The following PVT1 variants were observed in gnomAD, a reference collection of about 807,000 sequenced individuals.
PVT1 encodes the protein CXCR4/PVT1 fusion.
At chr8:127,995,029 T>G (rs949241493) in intron 4 of PVT1, among the ~76,000 whole-genome samples, 2 of 152,222 alleles carry the variant, frequency 1.3e-5, no homozygotes, top group South Asian at 4.1e-4. Flanking sequence ...CCCAGTCAAG[T>G]TGACACACAA....
chr8:127,973,670 T>C (rs1290515262), intron 3 of PVT1, among the ~76,000 whole-genome samples: 1 of 118,192 alleles, frequency 8.5e-6, no homozygotes, highest in Non-Finnish European at 1.8e-5. Flanking sequence ...CTGACCCAAG[T>C]TGCCTTTTTG....
chr8:127,848,911 G>T (rs1284748544), intron 2 of PVT1, among the ~76,000 whole-genome samples: 1 of 152,204 alleles, frequency 6.6e-6, no homozygotes, highest in Non-Finnish European at 1.5e-5. Context: ...CAGGCCTAGA[G>T]AGGACTGAAG....
chr8:127,949,736 C>T (rs1040882894), intron 3 of PVT1, among the ~76,000 whole-genome samples: 5 of 152,180 alleles, frequency 3.3e-5, no homozygotes, highest in South Asian at 2.1e-4. Flanking sequence ...CTAGAGTCCC[C>T]GCCTCTTTTA....
chr8:128,063,100 T>G (rs1019360393), intron 4 of PVT1, among the ~76,000 whole-genome samples: 3 of 152,222 alleles, frequency 2.0e-5, no homozygotes, highest in Non-Finnish European at 4.4e-5. Context: ...AGTTTACCCT[T>G]TCTTTCCAAC....
intron 2 of PVT1, among the ~76,000 whole-genome samples, chr8:127,830,019 CT>C (rs1814832989): frequency 6.6e-6 from 1 of 152,186 alleles, no homozygotes; most frequent in Non-Finnish European, 1.5e-5. Context: ...ATTCTCTCTT[CT>C]TGTAATAATG....
chr8:127,833,831 G>A (rs1814879679), intron 2 of PVT1, among the ~76,000 whole-genome samples: 1 of 152,170 alleles, frequency 6.6e-6, no homozygotes, highest in Admixed American at 6.5e-5. Flanking sequence ...TTGTTTTCTA[G>A]TTAATATTAT....
chr8:127,809,813 T>C (rs1814570885), intron 2 of PVT1, among the ~76,000 whole-genome samples: 1 of 152,218 alleles, frequency 6.6e-6, no homozygotes, highest in Non-Finnish European at 1.5e-5. Context: ...TAGGTCATGA[T>C]TCATCCCACT....
intron 2 of PVT1, among the ~76,000 whole-genome samples, chr8:127,858,630 G>C (rs922943647): frequency 3.3e-5 from 5 of 151,662 alleles, no homozygotes; most frequent in Non-Finnish European, 4.4e-5. Flanking sequence ...CCTGTTTTCT[G>C]TAAAGGAATG....
chr8:127,811,625 T>C (rs978690752), intron 2 of PVT1, among the ~76,000 whole-genome samples: 7 of 152,252 alleles, frequency 4.6e-5, no homozygotes, highest in Non-Finnish European at 8.8e-5. Flanking sequence ...CATACTTTAG[T>C]GATAGTCTGT....
intron 4 of PVT1, among the ~76,000 whole-genome samples, chr8:127,990,716 A>T (rs527275732): frequency 1.3e-5 from 2 of 152,376 alleles, no homozygotes; most frequent in South Asian, 4.1e-4. Context: ...AATTTTCAAA[A>T]GCGCATTTGC....
At chr8:127,949,379 C>CTGTGTGTGTGTG (rs61425056) in intron 3 of PVT1, among the ~76,000 whole-genome samples, 18,583 of 111,052 alleles carry the variant, frequency 0.17, 2,337 homozygotes, top group Non-Finnish European at 0.22. Context: ...ACTCCAGGAG[C>CTGTGTGTGTGTG]TGTGTGTGTG....
At chr8:127,868,675 G>C (rs896658993) in intron 2 of PVT1, among the ~76,000 whole-genome samples, 1 of 148,964 alleles carries the variant, frequency 6.7e-6, no homozygotes, top group Non-Finnish European at 1.5e-5. Context: ...ACAGTGCTGG[G>C]ATTACAGGTG....
chr8:128,058,801 C>G (rs996507981), intron 4 of PVT1, among the ~76,000 whole-genome samples: 16 of 152,128 alleles, frequency 1.1e-4, no homozygotes, highest in Non-Finnish European at 1.6e-4. Flanking sequence ...CCCTCCACCC[C>G]CAGCATGACA....
chr8:128,054,008 A>T (rs1813734764), intron 4 of PVT1, among the ~76,000 whole-genome samples: 1 of 152,254 alleles, frequency 6.6e-6, no homozygotes, highest in Non-Finnish European at 1.5e-5. Context: ...GGGACAAAAA[A>T]GCAAAATCCA....
intron 4 of PVT1, among the ~76,000 whole-genome samples, chr8:128,002,590 C>T (rs1817193362): frequency 6.6e-6 from 1 of 152,174 alleles, no homozygotes; most frequent in African/African-American, 2.4e-5. Context: ...GGAGGCTGGC[C>T]ATCCTTGGCG....
chr8:127,913,424 T>C (rs1376662175), intron 3 of PVT1, among the ~76,000 whole-genome samples: 1 of 151,828 alleles, frequency 6.6e-6, no homozygotes, highest in Non-Finnish European at 1.5e-5. Context: ...GGCCATGGGG[T>C]GTTAAGGTTA....
chr8:127,897,669 G>GGAAA (rs766645781), intron 3 of PVT1, among the ~76,000 whole-genome samples: 1 of 140,942 alleles, frequency 7.1e-6, no homozygotes. Flanking sequence ...AAGGAAGAAA[G>GGAAA]GAAAGAAAGA....
chr8:128,076,624 T>C lies in PVT1; in HGVS notation n.1114+6263T>C, dbSNP rs114668071. On this transcript the variant is annotated intron_variant and non_coding_transcript_variant, in intron 5 of 10. Transcript: ENST00000651587. ...AGCTGTGTGTTCTTAGGCGAGTCGC[T>C]TACCTTCTCTGGGCTTCCGTCTATT... Among the ~76,000 whole-genome samples the C allele has an allele frequency of 3.8e-3, 586 of 152,326 alleles. 2 individuals are homozygous for C. The highest frequency in any genetic ancestry group is 0.014 in the African/African-American group (564 of 41,568).
chr8:127,840,643 G>T (rs1332041423), intron 2 of PVT1, among the ~76,000 whole-genome samples: 1 of 152,222 alleles, frequency 6.6e-6, no homozygotes, highest in East Asian at 1.9e-4. Context: ...GGTGGGACCG[G>T]CTCCTGGCCT....
Sources: gnomAD v4.1 joint callset for allele counts (sites outside exome capture counted in the v4.1 genomes callset) on GRCh38, gnomAD v4.1.1 for gene constraint, MANE v1.5 for transcripts, NCBI Gene and HGNC (gene_info 2026-07-23, HGNC 2026-07-21) for gene names.